The following CA10 variants were observed in gnomAD, a reference collection of about 807,000 sequenced individuals.
The protein encoded by CA10 is carbonic anhydrase 10 (inactive).
Under a neutral mutation model 44.2 loss-of-function variants are expected in CA10, and 14 were observed. That is an observed-to-expected ratio of 0.32 (90% CI 0.21 to 0.50). The LOEUF (loss-of-function observed/expected upper bound fraction) is 0.50. Among genes scored for constraint, CA10 ranks in the 20% least tolerant of loss-of-function variants. The pLI, the probability that CA10 is intolerant of heterozygous loss-of-function variation, is 0.99. For missense variants in CA10, 350 were observed against 409.7 expected, an observed-to-expected ratio of 0.85 and a Z score of 1.26; for synonymous variants, 159 against 141.6, an observed-to-expected ratio of 1.12 and a Z score of -0.87.
intron 1 of CA10, among the ~76,000 whole-genome samples, chr17:52,075,199 T>C (rs930637479): frequency 1.3e-5 from 2 of 152,150 alleles, no homozygotes; most frequent in Non-Finnish European, 2.9e-5. Context: ...ACAAGGAACA[T>C]AATGTAAAAC....
rs138329279 is a variant in CA10 at position 52,078,441 on chromosome 17, A to G, written c.62-6048T>C. On this transcript the variant is annotated intron_variant, in intron 1 of 8. Transcript: ENST00000451037. ...CAATTATACCTGTGCCAAGTGGTCT[A>G]CAACTAGCAAAGATGAAGCCAGATA... is the stretch of plus-strand genomic sequence containing the variant. Among the ~76,000 whole-genome samples the G allele has an allele frequency of 6.0e-3, 913 of 152,348 alleles. 7 individuals carry two copies. Among genetic ancestry groups the G allele is most frequent in the African/African-American group, 0.021 (871 of 41,584 alleles).
In CA10 at chr17:51,788,916, T is replaced by A. The variant is rs185399154; in HGVS notation, c.280-41098A>T. Among the ~76,000 whole-genome samples, 3 of 152,372 alleles carry A rather than the reference T, an allele frequency of 2.0e-5. No individual in the cohort carries two copies. The East Asian group carries it at 5.8e-4, about 29-fold the overall frequency. On this transcript the variant is annotated intron_variant, in intron 3 of 8. Transcript: ENST00000451037. ...CTAGATAGAATGTACACCTACAGAA[T>A]AACTAAATAAATCCACTCTTTCTTT...
At chr17:51,946,696 CTTACA>C (rs1034592478) in intron 2 of CA10, among the ~76,000 whole-genome samples, 3 of 152,154 alleles carry the variant, frequency 2.0e-5, no homozygotes, top group African/African-American at 7.2e-5. Context: ...CTCAATGCTC[CTTACA>C]TTAAGTGATA....
At chr17:51,870,599 T>C (rs907528303) in intron 3 of CA10, among the ~76,000 whole-genome samples, 5 of 152,234 alleles carry the variant, frequency 3.3e-5, no homozygotes, top group Non-Finnish European at 5.9e-5. Context: ...ATATATATTA[T>C]ATATGCTGTA....
intron 3 of CA10, among the ~76,000 whole-genome samples, chr17:51,781,450 G>A (rs918425806): frequency 6.6e-6 from 1 of 152,166 alleles, no homozygotes; most frequent in Non-Finnish European, 1.5e-5. Context: ...GGTTAAATAA[G>A]GAAAAGAGAT....
At chr17:52,004,816 A>G (rs1985543187) in intron 2 of CA10, among the ~76,000 whole-genome samples, 1 of 151,888 alleles carries the variant, frequency 6.6e-6, no homozygotes, top group East Asian at 1.9e-4. Flanking sequence ...AAATAAGATA[A>G]CAGACCAATC....
chr17:51,820,416 C>CG (rs1491263200), intron 3 of CA10, among the ~76,000 whole-genome samples: 8 of 92,934 alleles, frequency 8.6e-5, no homozygotes, highest in Admixed American at 3.3e-4. Flanking sequence ...CCCCCCCCCC[C>CG]CCGCCCGCCG....
chr17:51,785,882 A>C (rs1428964296), intron 3 of CA10, among the ~76,000 whole-genome samples: 1 of 152,230 alleles, frequency 6.6e-6, no homozygotes, highest in East Asian at 1.9e-4. Context: ...TTGAATCTGT[A>C]GATTGCCTTG....
chr17:51,782,751 T>A (rs1327409074), intron 3 of CA10, among the ~76,000 whole-genome samples: 2 of 152,208 alleles, frequency 1.3e-5, no homozygotes, highest in Non-Finnish European at 2.9e-5. Context: ...CTTAGATCCT[T>A]CCAATATTCC....
chr17:52,122,464 T>A (rs1246855984), intron 1 of CA10, among the ~76,000 whole-genome samples: 2 of 152,320 alleles, frequency 1.3e-5, no homozygotes, highest in Admixed American at 6.5e-5. Flanking sequence ...TTTGATTTTT[T>A]AAAAATGTTT....
intron 1 of CA10, among the ~76,000 whole-genome samples, chr17:52,082,412 TAC>T (rs1988007667): frequency 6.6e-6 from 1 of 152,214 alleles, no homozygotes. Context: ...CACCAAACAT[TAC>T]GTCTTGTTTT....
intron 2 of CA10, among the ~76,000 whole-genome samples, chr17:51,958,845 T>C (rs1598139769): frequency 6.6e-6 from 1 of 152,162 alleles, no homozygotes; most frequent in Non-Finnish European, 1.5e-5. Context: ...TTGGTTTGGT[T>C]CCAGCTCTGG....
At chr17:51,958,261 T>G (rs995116531) in intron 2 of CA10, among the ~76,000 whole-genome samples, 1 of 39,376 alleles carries the variant, frequency 2.5e-5, no homozygotes, top group Non-Finnish European at 5.6e-5. Context: ...AACTGAGTTT[T>G]TTTTTTTTTT....
At chr17:51,894,283 G>A (rs1344948556) in intron 3 of CA10, among the ~76,000 whole-genome samples, 1 of 152,104 alleles carries the variant, frequency 6.6e-6, no homozygotes, top group Non-Finnish European at 1.5e-5. Flanking sequence ...CCGTTCAAAA[G>A]GCTGACCCCA....
At chr17:52,041,137 G>C (rs1986757644) in intron 2 of CA10, among the ~76,000 whole-genome samples, 1 of 151,922 alleles carries the variant, frequency 6.6e-6, no homozygotes, top group Non-Finnish European at 1.5e-5. Context: ...TAGCTTAACT[G>C]CATACTAGAA....
At chr17:52,130,107 C>T (rs1016611702) in intron 1 of CA10, among the ~76,000 whole-genome samples, 1 of 152,120 alleles carries the variant, frequency 6.6e-6, no homozygotes, top group African/African-American at 2.4e-5. Flanking sequence ...AATGAGATAT[C>T]ACCTTATTCA....
At chr17:51,654,504 T>C (rs1913710368) in intron 4 of CA10, among the ~76,000 whole-genome samples, 1 of 152,150 alleles carries the variant, frequency 6.6e-6, no homozygotes, top group Admixed American at 6.5e-5. Context: ...TTAAAATTCA[T>C]CATCTCAGGG....
At chr17:51,781,622 A>T (rs878866414) in intron 3 of CA10, among the ~76,000 whole-genome samples, 3 of 152,214 alleles carry the variant, frequency 2.0e-5, no homozygotes, top group African/African-American at 4.8e-5. Context: ...TTCATTTGTC[A>T]TCTACAGAAC....
intron 1 of CA10, among the ~76,000 whole-genome samples, chr17:52,090,729 G>A (rs1414552071): frequency 6.6e-6 from 1 of 151,892 alleles, no homozygotes; most frequent in African/African-American, 2.4e-5. Flanking sequence ...TGCATTCTAG[G>A]TAGACCAGCA....
Sources: allele counts gnomAD v4.1 joint callset (sites outside exome capture counted in the v4.1 genomes callset), GRCh38; gene constraint gnomAD v4.1.1; transcripts MANE v1.5; gene names NCBI Gene and HGNC (gene_info 2026-07-23, HGNC 2026-07-21).